The following ERC2 variants were observed in gnomAD, a reference collection of about 807,000 sequenced individuals.
ERC2 encodes ELKS/RAB6-interacting/CAST family member 2, also known as ERC protein 2.
In ERC2, 42 loss-of-function variants were observed where a neutral mutation model predicts 114.8. The observed-to-expected ratio is 0.37, with a 90% confidence interval of 0.29 to 0.47. The LOEUF (loss-of-function observed/expected upper bound fraction) is 0.47, where lower values mean the gene tolerates loss of function less well. Ranked by LOEUF, ERC2 falls within the 20% of genes least tolerant of loss-of-function variation. The pLI, the probability that ERC2 is intolerant of heterozygous loss-of-function variation, is 0.99. For missense variants in ERC2, 939 were observed against 1,150.7 expected (o/e 0.82, Z 2.66); for synonymous variants, 454 against 425.5 (o/e 1.07, Z -0.82).
At chr3:55,789,959 T>C (rs1258146891) in intron 14 of ERC2, among the ~76,000 whole-genome samples, 2 of 152,140 alleles carry the variant, frequency 1.3e-5, no homozygotes, top group Non-Finnish European at 2.9e-5. Context: ...CGACTTAGCC[T>C]CACAGGCCTG....
At chr3:56,400,654 A>C (rs990939023) in intron 2 of ERC2, among the ~76,000 whole-genome samples, 2 of 152,194 alleles carry the variant, frequency 1.3e-5, no homozygotes, top group African/African-American at 4.8e-5. Flanking sequence ...ACAAATCTGC[A>C]ATATCAAGAC....
chr3:56,039,552 G>A (rs982668761), intron 7 of ERC2, among the ~76,000 whole-genome samples: 16 of 151,986 alleles, frequency 1.1e-4, no homozygotes, highest in African/African-American at 3.4e-4. Context: ...AATTAATATT[G>A]CTTAAATCTC....
chr3:55,799,436 C>CG (rs2070825862), intron 14 of ERC2, among the ~76,000 whole-genome samples: 1 of 72,434 alleles, frequency 1.4e-5, no homozygotes, highest in Non-Finnish European at 2.5e-5. Context: ...ATATATATGC[C>CG]TTATATATAT....
At chr3:55,875,675 T>C (rs1575970222) in intron 14 of ERC2, among the ~76,000 whole-genome samples, 2 of 150,658 alleles carry the variant, frequency 1.3e-5, no homozygotes, top group East Asian at 3.9e-4. Context: ...CCTCTTTTTC[T>C]GCCCCTAAAC....
intron 13 of ERC2, among the ~76,000 whole-genome samples, chr3:55,900,679 A>G (rs555452606): frequency 1.3e-5 from 2 of 152,316 alleles, no homozygotes; most frequent in South Asian, 2.1e-4. Flanking sequence ...TGGCTTCCCT[A>G]TATGTCACCT....
At chr3:56,089,996 AC>A (rs2077698751) in intron 6 of ERC2, among the ~76,000 whole-genome samples, 1 of 152,080 alleles carries the variant, frequency 6.6e-6, no homozygotes, top group African/African-American at 2.4e-5. Context: ...CCCTTCTCTA[AC>A]CATCAGGGGC....
intron 14 of ERC2, among the ~76,000 whole-genome samples, chr3:55,834,839 T>C: frequency 7.5e-6 from 1 of 133,426 alleles, no homozygotes; most frequent in East Asian, 2.2e-4. Flanking sequence ...TCAACAAAAC[T>C]GATAGACCAC....
chr3:55,827,562 T>C (rs2060382700), intron 14 of ERC2, among the ~76,000 whole-genome samples: 1 of 152,206 alleles, frequency 6.6e-6, no homozygotes, highest in East Asian at 1.9e-4. Context: ...CACATGTGGG[T>C]AAAGATGTTG....
intron 3 of ERC2, among the ~76,000 whole-genome samples, chr3:56,282,534 G>A (rs1336483392): frequency 1.3e-5 from 2 of 152,160 alleles, no homozygotes; most frequent in East Asian, 3.8e-4. Flanking sequence ...AGTCCCCCAT[G>A]AGGTCTCAGG....
At chr3:55,527,177 T>C (rs1272029174) in intron 17 of ERC2, among the ~76,000 whole-genome samples, 1 of 152,240 alleles carries the variant, frequency 6.6e-6, no homozygotes, top group Non-Finnish European at 1.5e-5. Flanking sequence ...GCTTAGCCCA[T>C]GATTAGCTAT....
At chr3:55,899,050 T>C (rs1374719582) in intron 13 of ERC2, among the ~76,000 whole-genome samples, 1 of 152,340 alleles carries the variant, frequency 6.6e-6, no homozygotes, top group South Asian at 2.1e-4. Flanking sequence ...TAATTTAACA[T>C]TAATTAAAAT....
chr3:56,040,569 A>ATATATG (rs2075073429), intron 7 of ERC2, among the ~76,000 whole-genome samples: 1 of 846 alleles, frequency 1.2e-3, no homozygotes, highest in African/African-American at 3.0e-3. Context: ...ATAGAGATGT[A>ATATATG]TATATGTATA....
intron 17 of ERC2, among the ~76,000 whole-genome samples, chr3:55,632,699 A>G (rs1038928818): frequency 1.3e-5 from 2 of 152,232 alleles, no homozygotes; most frequent in African/African-American, 4.8e-5. Flanking sequence ...CCATCATTAC[A>G]TCATAATATT....
intron 14 of ERC2, among the ~76,000 whole-genome samples, chr3:55,865,577 A>G (rs1358472031): frequency 6.6e-6 from 1 of 151,936 alleles, no homozygotes; most frequent in Non-Finnish European, 1.5e-5. Flanking sequence ...ATTTTTTTTC[A>G]CCCCAAACAG....
At chr3:55,764,141 T>C (rs2067622964) in intron 14 of ERC2, among the ~76,000 whole-genome samples, 1 of 152,240 alleles carries the variant, frequency 6.6e-6, no homozygotes, top group Non-Finnish European at 1.5e-5. Flanking sequence ...TGGGGTGCAC[T>C]GTTCAGCTAC....
intron 8 of ERC2, among the ~76,000 whole-genome samples, chr3:56,017,499 G>T (rs1179269386): frequency 6.6e-6 from 1 of 152,078 alleles, no homozygotes; most frequent in African/African-American, 2.4e-5. Context: ...TAAAAATCTT[G>T]TCTCACAAGG....
chr3:55,994,977 C>T (rs951611651), intron 10 of ERC2, among the ~76,000 whole-genome samples: 2 of 152,142 alleles, frequency 1.3e-5, no homozygotes, highest in African/African-American at 2.4e-5. Flanking sequence ...GCCAAGTTTA[C>T]GACTGGCCTG....
intron 15 of ERC2, among the ~76,000 whole-genome samples, chr3:55,733,429 C>T (rs1485012431): frequency 1.3e-5 from 2 of 151,274 alleles, no homozygotes; most frequent in Non-Finnish European, 2.9e-5. Context: ...CTCTCTCTCT[C>T]TCTCATTCTC....
intron 17 of ERC2, among the ~76,000 whole-genome samples, chr3:55,599,764 A>G (rs2058315213): frequency 6.6e-6 from 1 of 152,348 alleles, no homozygotes; most frequent in Admixed American, 6.5e-5. Context: ...GAAGATAATG[A>G]CAATTTTTTC....
Sources: allele counts gnomAD v4.1 joint callset (sites outside exome capture counted in the v4.1 genomes callset), GRCh38; gene constraint gnomAD v4.1.1; transcripts MANE v1.5; gene names NCBI Gene and HGNC (gene_info 2026-07-23, HGNC 2026-07-21).